LYPLA2: variants seen among roughly 807,000 people sequenced by gnomAD.
LYPLA2 encodes the protein acyl-protein thioesterase 2.
In LYPLA2, 7 loss-of-function variants were observed where a neutral mutation model predicts 30.3. The observed-to-expected ratio is 0.23, with a 90% CI of 0.13 to 0.43. The LOEUF is 0.43. Ranked by LOEUF, LYPLA2 falls within the 20% of genes least tolerant of loss-of-function variation. The pLI is 1.00. For synonymous variants in LYPLA2, 112 were observed against 118.2 expected (o/e 0.95, Z 0.34); for missense variants, 206 against 307.9 (o/e 0.67, Z 2.48).
Position 23,795,001 on chromosome 1 carries a change from C to T in LYPLA2, c.*269C>T, listed in dbSNP as rs961477708. The T allele has an allele frequency of 1.4e-5, 9 of 663,240 alleles. No individual in the cohort carries two copies. In the Admixed American group the frequency reaches 1.9e-4, roughly 14 times the overall value. The allele number at this position is 663,240 out of a possible 1,614,324, so 41.1% of individuals were successfully genotyped here. A position where few individuals can be genotyped will look rare whatever the true frequency, so the allele number is the denominator to read the frequency against. On this transcript the variant is annotated 3_prime_UTR_variant, in exon 10 of 10. Coordinates refer to ENST00000374514, the MANE Select transcript of LYPLA2 (RefSeq NM_007260.3). The stretch of plus-strand genomic sequence containing the variant: ...CCTGGCAGCAGTATTGGAGGGGCTA[C>T]AGGCAGCTGGAGAAAGGGGCCCAGC...
rs553958643 is a variant in LYPLA2 at position 23,793,983 on chromosome 1, C to T, written c.295+53C>T. On this transcript the variant is annotated intron_variant, in intron 6 of 9. Transcript: ENST00000374514. The surrounding 1 kb of genome is among the most constrained non-coding windows in gnomAD (Gnocchi z 6.0). ...CTCCTTCCCCTGCCCCCCAGGAAAG[C>T]GCTGGGCGGTTCCTCAGCCTAGCTC... The T allele has an allele frequency of 8.2e-6, 13 of 1,588,604 alleles. No homozygotes were observed. In the East Asian group the frequency reaches 8.9e-5, roughly 11 times the overall value.
In LYPLA2 at chr1:23,793,605, G is replaced by C. The variant is rs950054553; in HGVS notation, c.177-100G>C. 5.7e-6 allele frequency: 7 copies of C among 1,233,746 alleles called. No individual in the cohort carries two copies. Among genetic ancestry groups the C allele is most frequent in the Non-Finnish European group, 7.2e-6 (6 of 835,574 alleles). 76.4% of individuals were successfully genotyped at this position (1,233,746 alleles called of 1,614,324 possible). A position where few individuals can be genotyped will look rare whatever the true frequency, so the allele number is the denominator to read the frequency against. Reference sequence around the variant, plus strand: ...CCTTAAACACAGGCCCTGCCTGCTGGGAGGGGCCACCAGGGGCGGCGCGGC... The same window carrying C: ...CCTTAAACACAGGCCCTGCCTGCTGCGAGGGGCCACCAGGGGCGGCGCGGC... On this transcript the variant is annotated intron_variant, in intron 4 of 9. Transcript: ENST00000374514. The surrounding 1 kb of genome is among the most constrained non-coding windows in gnomAD (Gnocchi z 6.0).
At position 23,795,021 on chromosome 1, in the gene LYPLA2, C is replaced by A; in HGVS notation, c.*289C>A. On this transcript the variant is annotated 3_prime_UTR_variant, in exon 10 of 10. Transcript: ENST00000374514. ...GGCTACAGGCAGCTGGAGAAAGGGG[C>A]CCAGCCGCTGACCCACTCACTCAGG... 1 of 632,370 alleles carries A rather than the reference C, an allele frequency of 1.6e-6. No homozygotes were observed. Among genetic ancestry groups the A allele is most frequent in the Non-Finnish European group, 2.9e-6 (1 of 341,942 alleles). 39.2% of individuals were successfully genotyped at this position (632,370 alleles called of 1,614,324 possible).
chr1:23,794,304 T>A lies in LYPLA2; in HGVS notation c.450T>A (p.Pro150=). The A allele has an allele frequency of 3.1e-6, 5 of 1,612,676 alleles. No individual in the cohort carries two copies. Among genetic ancestry groups the A allele is most frequent in the Non-Finnish European group, 4.2e-6 (5 of 1,179,738 alleles). The change falls in exon 8 of 10, where the codon CCT becomes CCA. Residue 150 remains proline (P), a synonymous_variant. Transcript: ENST00000374514. The surrounding 1 kb of genome is among the most constrained non-coding windows in gnomAD (Gnocchi z 5.9). The part of the protein sequence containing the change: ...AGIVALSCWL[P]LHRAFPQAAN... ...TCGTGGCGTTGAGCTGCTGGCTGCC[T>A]CTGCACCGGGCCTTCCCCCAGGTGA...
At position 23,793,947 on chromosome 1, in the gene LYPLA2, TC is replaced by T; in HGVS notation, c.295+19del. The stretch of plus-strand genomic sequence containing the variant: ...CAGAGAACAGTAAGACCCCAGCCCC[TC>T]CTCCACATCCTCCTTCCCCTGCCCC... On this transcript the variant is annotated intron_variant, in intron 6 of 9. Coordinates refer to ENST00000374514, the MANE Select transcript of LYPLA2 (RefSeq NM_007260.3). The surrounding 1 kb of genome is among the most constrained non-coding windows in gnomAD (Gnocchi z 6.0). The T allele has an allele frequency of 6.8e-6, 11 of 1,608,344 alleles. No homozygotes were observed. The highest frequency in any genetic ancestry group is 9.4e-6 in the Non-Finnish European group (11 of 1,174,976).
chr1:23,793,845 G>C lies in LYPLA2; in HGVS notation c.225-15G>C, dbSNP rs749845899. The C allele has an allele frequency of 6.2e-7, 1 of 1,613,604 alleles. No individual in the cohort carries two copies. On this transcript the variant is annotated splice_polypyrimidine_tract_variant and intron_variant, in intron 5 of 9. Coordinates refer to ENST00000374514, the MANE Select transcript of LYPLA2 (RefSeq NM_007260.3). This position sits in a 1 kb window ranked among gnomAD's most constrained non-coding sequence, Gnocchi z 6.0. ...GCTGGGGTTTTCTATAGCTGCCAGTGCCTCTACTCCCAAGGTTTGACCTGA... is the reference window on the plus strand; with the variant it reads ...GCTGGGGTTTTCTATAGCTGCCAGTCCCTCTACTCCCAAGGTTTGACCTGA...
chr1:23,793,739 G>T lies in LYPLA2; in HGVS notation c.211G>T (p.Val71Leu), dbSNP rs1227462422. 4 of 1,614,112 alleles carry T rather than the reference G, an allele frequency of 2.5e-6. No individual in the cohort carries two copies. Among genetic ancestry groups the T allele is most frequent in the Middle Eastern group, 3.3e-4 (2 of 6,062 alleles). The change falls in exon 5 of 10, where the codon GTG becomes TTG. Residue 71 changes from valine (V) to leucine (L), a missense_variant. Val to Leu is a conservative substitution (Grantham distance 32, BLOSUM62 1). Coordinates refer to ENST00000374514, the MANE Select transcript of LYPLA2 (RefSeq NM_007260.3). This position sits in a 1 kb window ranked among gnomAD's most constrained non-coding sequence, Gnocchi z 6.0. ...RIPVTLNMKM[V>L]MPSWFDLMGL... Reference sequence around the variant, plus strand: ...CCCTGTGACCCTCAACATGAAGATGGTGATGCCCTCCTGGTGAGTTTGGGA... The same window carrying T: ...CCCTGTGACCCTCAACATGAAGATGTTGATGCCCTCCTGGTGAGTTTGGGA...
At chr1:23,792,459 A>T in intron 1 of LYPLA2, 198 bp from the exon 2 acceptor site, 1 of 563,724 alleles carries the variant, frequency 1.8e-6, no homozygotes. Flanking sequence ...CTGGGCCACT[A>T]GGGAGGCTGT....
In LYPLA2 at chr1:23,793,552, GC is replaced by G; in HGVS notation, c.177-149del. The G allele has an allele frequency of 1.3e-6, 1 of 783,558 alleles. No individual in the cohort carries two copies. Among genetic ancestry groups the G allele is most frequent in the Non-Finnish European group, 2.2e-6 (1 of 451,842 alleles). 48.5% of individuals were successfully genotyped at this position (783,558 alleles called of 1,614,324 possible). On this transcript the variant is annotated intron_variant, in intron 4 of 9. Transcript: ENST00000374514. The surrounding 1 kb of genome is among the most constrained non-coding windows in gnomAD (Gnocchi z 6.0). ...CGCTTTGCCCCAACCACAGCCTCCA[GC>G]CCCACGTGGCAGGTTGCCTGGCAAC... is the stretch of plus-strand genomic sequence containing the variant.
rs1638918323 is a variant in LYPLA2, at chr1:23,795,524, G to T, written c.*792G>T. ...TGTCCTGGATTCCGATAAAATTAAA[G>T]AAATTGCTTCCTCAACGCTCAGGCC... On this transcript the variant is annotated 3_prime_UTR_variant, in exon 10 of 10. Transcript: ENST00000374514. 1 of 237,248 alleles carries T rather than the reference G, an allele frequency of 4.2e-6. No individual in the cohort carries two copies. The highest frequency in any genetic ancestry group is 8.3e-6 in the Non-Finnish European group (1 of 119,902). 14.7% of individuals were successfully genotyped at this position (237,248 alleles called of 1,614,324 possible). A position where few individuals can be genotyped will look rare whatever the true frequency, so the allele number is the denominator to read the frequency against.
rs1638901859 is a variant in LYPLA2 at position 23,794,993 on chromosome 1, AG to A, written c.*265del. The stretch of plus-strand genomic sequence containing the variant: ...CGGGCCCCCCTGGCAGCAGTATTGG[AG>A]GGGCTACAGGCAGCTGGAGAAAGGG... On this transcript the variant is annotated 3_prime_UTR_variant, in exon 10 of 10. Coordinates refer to ENST00000374514, the MANE Select transcript of LYPLA2 (RefSeq NM_007260.3). This position sits in a 1 kb window ranked among gnomAD's most constrained non-coding sequence, Gnocchi z 5.9. 3.0e-6 allele frequency: 2 copies of A among 669,020 alleles called. No individual in the cohort carries two copies. The highest frequency in any genetic ancestry group is 5.8e-5 in the East Asian group (2 of 34,614). The allele number at this position is 669,020 out of a possible 1,614,324, so 41.4% of individuals were successfully genotyped here. A position where few individuals can be genotyped will look rare whatever the true frequency, so the allele number is the denominator to read the frequency against.
rs1445117638 is a variant in LYPLA2, at chr1:23,794,186, A to G, written c.370-38A>G. On this transcript the variant is annotated intron_variant, in intron 7 of 9. Transcript: ENST00000374514. This position sits in a 1 kb window ranked among gnomAD's most constrained non-coding sequence, Gnocchi z 5.9. The stretch of plus-strand genomic sequence containing the variant: ...AGGGGGTAGGGGTGGCCGGTGAGTG[A>G]GCTGTGCCCTCATGACCCCTCTCTC... 1 of 1,583,842 alleles carries G rather than the reference A, an allele frequency of 6.3e-7. No homozygotes were observed. Among genetic ancestry groups the G allele is most frequent in the Admixed American group, 1.7e-5 (1 of 57,882 alleles).
chr1:23,791,223 G>A lies in LYPLA2; in HGVS notation c.-54G>A, dbSNP rs1638784515. On this transcript the variant is annotated 5_prime_UTR_variant, in exon 1 of 10. Coordinates refer to ENST00000374514, the MANE Select transcript of LYPLA2 (RefSeq NM_007260.3). ...CGGGAGAAAGAGGAGAATCGCCCAA[G>A]CGGCCTCGGAAGTCCCAGGGAGTGG... The A allele has an allele frequency of 6.6e-6, 1 of 152,614 alleles. No individual in the cohort carries two copies. Among genetic ancestry groups the A allele is most frequent in the South Asian group, 2.1e-4 (1 of 4,822 alleles). The allele number at this position is 152,614 out of a possible 1,614,324, so 9.5% of individuals were successfully genotyped here. A position where few individuals can be genotyped will look rare whatever the true frequency, so the allele number is the denominator to read the frequency against.
chr1:23,794,499 C>G lies in LYPLA2; in HGVS notation c.544C>G (p.Arg182Gly), dbSNP rs757497863. ...GGAGCTGGACCCCATGGTGCCCGTA[C>G]GGTTTGGGGCCCTGACGGCTGAGAA... ...HGELDPMVPV[R>G]FGALTAEKLR... Residue 182 changes from arginine (R) to glycine (G), a missense_variant, in exon 9 of 10, where the codon CGG becomes GGG. Physicochemically the swap from Arg to Gly is moderately radical, Grantham distance 125. Transcript: ENST00000374514. This position sits in a 1 kb window ranked among gnomAD's most constrained non-coding sequence, Gnocchi z 5.9. 2 of 1,613,984 alleles carry G rather than the reference C, an allele frequency of 1.2e-6. No homozygotes were observed. Among genetic ancestry groups the G allele is most frequent in the African/African-American group, 2.7e-5 (2 of 74,900 alleles).
At position 23,795,062 on chromosome 1, in the gene LYPLA2, C is replaced by A; in HGVS notation, c.*330C>A. 1 of 531,516 alleles carries A rather than the reference C, an allele frequency of 1.9e-6. No homozygotes were observed. Among genetic ancestry groups the A allele is most frequent in the Non-Finnish European group, 3.5e-6 (1 of 282,370 alleles). The allele number at this position is 531,516 out of a possible 1,614,324, so 32.9% of individuals were successfully genotyped here. ...CTCACTCAGGACCTCACTCACTAGC[C>A]CCGCTTTGGGCCCCCTCCTGTGACC... On this transcript the variant is annotated 3_prime_UTR_variant, in exon 10 of 10. Transcript: ENST00000374514.
At chr1:23,792,490 A>T in intron 1 of LYPLA2, 167 bp from the exon 2 acceptor site, 1 of 593,284 alleles carries the variant, frequency 1.7e-6, no homozygotes. Context: ...CAGCCCTGGA[A>T]CTGAGGCAGA....
Position 23,794,373 on chromosome 1 carries a change from G to A in LYPLA2, c.471+48G>A. The A allele has an allele frequency of 6.2e-7, 1 of 1,606,204 alleles. No homozygotes were observed. Among genetic ancestry groups the A allele is most frequent in the Non-Finnish European group, 8.5e-7 (1 of 1,173,530 alleles). On this transcript the variant is annotated intron_variant, in intron 8 of 9. Coordinates refer to ENST00000374514, the MANE Select transcript of LYPLA2 (RefSeq NM_007260.3). The surrounding 1 kb of genome is among the most constrained non-coding windows in gnomAD (Gnocchi z 5.9). ...CCGCCCTTTGTGTCTGCATCCTCGT[G>A]GCTTGGGGACTGCTGCAGCACTAGC... is the stretch of plus-strand genomic sequence containing the variant.
chr1:23,792,450 T>C (rs1638815302), intron 1 of LYPLA2: 7 of 560,882 alleles, frequency 1.2e-5, no homozygotes, highest in South Asian at 4.3e-5. Flanking sequence ...ACACATGTTC[T>C]GGGCCACTAG....
In LYPLA2 at chr1:23,794,767, T is replaced by C; in HGVS notation, c.*35T>C. ...GGCCCCAGTGCAGTACCCCAGCTCA[T>C]GGGGGACTCAGCAAGCAAGCGTGGC... On this transcript the variant is annotated 3_prime_UTR_variant, in exon 10 of 10. Transcript: ENST00000374514. The surrounding 1 kb of genome is among the most constrained non-coding windows in gnomAD (Gnocchi z 5.9). 3 of 1,612,520 alleles carry C rather than the reference T, an allele frequency of 1.9e-6. No homozygotes were observed. The highest frequency in any genetic ancestry group is 2.5e-6 in the Non-Finnish European group (3 of 1,178,844).
Sources: allele counts gnomAD v4.1 joint callset, GRCh38; gene constraint gnomAD v4.1.1; non-coding constraint Gnocchi (gnomAD v3.1); transcripts MANE v1.5; gene names NCBI Gene and HGNC (gene_info 2026-07-23, HGNC 2026-07-21).